NCDN: variants seen among roughly 807,000 people sequenced by gnomAD.
NCDN encodes norbin.
In NCDN, 9 loss-of-function variants were observed where a neutral mutation model predicts 60.7. The observed-to-expected ratio is 0.15, with a 90% CI of 0.09 to 0.26. The LOEUF (loss-of-function observed/expected upper bound fraction) is 0.26. Among genes scored for constraint, NCDN ranks in the 10% least tolerant of loss-of-function variants. The probability of loss-of-function intolerance (pLI) is 1.00; values close to 1 mark genes in which losing one functional copy is unlikely to be tolerated. For synonymous variants in NCDN, 409 were observed against 442.5 expected (o/e 0.92, Z 0.95); for missense variants, 578 against 975.2 (o/e 0.59, Z 5.42).
chr1:35,563,159 T>C lies in NCDN; in HGVS notation c.1386-43T>C, dbSNP rs970858936. The C allele has an allele frequency of 1.9e-6, 3 of 1,549,718 alleles. No homozygotes were observed. The highest frequency in any genetic ancestry group is 2.7e-5 in the African/African-American group (2 of 73,268). On this transcript the variant is annotated intron_variant, in intron 4 of 6. Coordinates refer to ENST00000373243, the MANE Select transcript of NCDN (RefSeq NM_014284.3). The surrounding 1 kb of genome is among the most constrained non-coding windows in gnomAD (Gnocchi z 6.6). ...TAAAAAGGGAATCTATGTGCCTTCATCTCTCCCAATCCCACACACGTCTGT... is the reference window on the plus strand; with the variant it reads ...TAAAAAGGGAATCTATGTGCCTTCACCTCTCCCAATCCCACACACGTCTGT...
Position 35,560,232 on chromosome 1 carries a change from C to A in NCDN, c.175-94C>A. 2 of 1,478,264 alleles carry A rather than the reference C, an allele frequency of 1.4e-6. No individual in the cohort carries two copies. Among genetic ancestry groups the A allele is most frequent in the Non-Finnish European group, 9.1e-7 (1 of 1,094,440 alleles). 91.6% of individuals were successfully genotyped at this position (1,478,264 alleles called of 1,614,324 possible). ...TCAGATGAGTCCTGTTGCATAACCT[C>A]ATCTTGCTAGTCCTCAGTGCCCCAG... On this transcript the variant is annotated intron_variant, in intron 2 of 6. Coordinates refer to ENST00000373243, the MANE Select transcript of NCDN (RefSeq NM_014284.3). The surrounding 1 kb of genome is among the most constrained non-coding windows in gnomAD (Gnocchi z 7.6).
chr1:35,558,147 A>T lies in NCDN; in HGVS notation c.-44A>T. The T allele has an allele frequency of 6.2e-7, 1 of 1,612,022 alleles. No individual in the cohort carries two copies. Among genetic ancestry groups the T allele is most frequent in the Non-Finnish European group, 8.5e-7 (1 of 1,178,926 alleles). On this transcript the variant is annotated 5_prime_UTR_variant, in exon 1 of 7. Coordinates refer to ENST00000373243, the MANE Select transcript of NCDN (RefSeq NM_014284.3). The surrounding 1 kb of genome is among the most constrained non-coding windows in gnomAD (Gnocchi z 6.3). ...GATCTCTCCGTGACATCACCGCGCC[A>T]TCGTGAAGTGTGATCTCATCGCCGC...
chr1:35,559,454 G>C (rs1206780922), intron 2 of NCDN, among the ~76,000 whole-genome samples: 1 of 152,180 alleles, frequency 6.6e-6, no homozygotes, highest in Non-Finnish European at 1.5e-5. Context: ...TAAGGCTGTG[G>C]CACTAGGGGC....
Position 35,560,266 on chromosome 1 carries a change from AGAGGG to A in NCDN, c.175-59_175-55del, listed in dbSNP as rs1648649326. The A allele has an allele frequency of 7.7e-6, 12 of 1,560,970 alleles. No individual in the cohort carries two copies. On this transcript the variant is annotated intron_variant, in intron 2 of 6. Coordinates refer to ENST00000373243, the MANE Select transcript of NCDN (RefSeq NM_014284.3). The surrounding 1 kb of genome is among the most constrained non-coding windows in gnomAD (Gnocchi z 7.6). ...AGTCCTCAGTGCCCCAGGATGCAGGAGAGGGACAGTCTTTCCCACTTCTTCCTTTC... is the reference window on the plus strand; with the variant it reads ...AGTCCTCAGTGCCCCAGGATGCAGGAACAGTCTTTCCCACTTCTTCCTTTC...
chr1:35,558,410 G>C lies in NCDN; in HGVS notation c.33+187G>C. 6.8e-7 allele frequency: 1 copy of C among 1,463,278 alleles called. No individual in the cohort carries two copies. The highest frequency in any genetic ancestry group is 9.0e-7 in the Non-Finnish European group (1 of 1,113,562). The allele number at this position is 1,463,278 out of a possible 1,614,324, so 90.6% of individuals were successfully genotyped here. A position where few individuals can be genotyped will look rare whatever the true frequency, so the allele number is the denominator to read the frequency against. On this transcript the variant is annotated intron_variant, in intron 1 of 6. Coordinates refer to ENST00000373243, the MANE Select transcript of NCDN (RefSeq NM_014284.3). This position sits in a 1 kb window ranked among gnomAD's most constrained non-coding sequence, Gnocchi z 6.3. ...GGAGGGCGAGAAGAGGGAGCGCAAG[G>C]GGTTAATTCTGCTGCTGCCGCCGCC...
rs754125262 is a variant in NCDN, at chr1:35,560,358, T to C, written c.207T>C (p.Asp69=). Residue 69 remains aspartate (D), a synonymous_variant, in exon 3 of 7, where the codon GAT becomes GAC. Transcript: ENST00000373243. The surrounding 1 kb of genome is among the most constrained non-coding windows in gnomAD (Gnocchi z 7.6). ...VTKAVKAGDI[D]AKTRRRIFDA... is the part of the protein sequence containing the mutation. ...AGGCAGTCAAAGCAGGTGACATAGA[T>C]GCCAAAACTCGGCGGCGGATCTTCG... 3.1e-6 allele frequency: 5 copies of C among 1,613,788 alleles called. No homozygotes were observed. In the African/African-American group the frequency reaches 6.7e-5, roughly 22 times the overall value.
Position 35,565,516 on chromosome 1 carries a change from C to T in NCDN, c.2043C>T (p.Pro681=), listed in dbSNP as rs55743884. The T allele has an allele frequency of 0.011, 17,296 of 1,577,788 alleles. 111 individuals are homozygous for T. The highest frequency in any genetic ancestry group is 0.013 in the Non-Finnish European group (15,175 of 1,162,080). Residue 681 remains proline, a synonymous_variant, in exon 7 of 7, where the codon CCC becomes CCT. Transcript: ENST00000373243. This position sits in a 1 kb window ranked among gnomAD's most constrained non-coding sequence, Gnocchi z 8.9. ...GTGTCAGCCCCAACTCTGTCAAGCC[C>T]GAGATGGTGGCCGCCTATCAGGGTG... ...LGSVSPNSVK[P]EMVAAYQGVL...
chr1:35,558,255 T>C lies in NCDN; in HGVS notation c.33+32T>C. 6.2e-7 allele frequency: 1 copy of C among 1,613,808 alleles called. No individual in the cohort carries two copies. Among genetic ancestry groups the C allele is most frequent in the Non-Finnish European group, 8.5e-7 (1 of 1,179,884 alleles). On this transcript the variant is annotated intron_variant, in intron 1 of 6. Transcript: ENST00000373243. The surrounding 1 kb of genome is among the most constrained non-coding windows in gnomAD (Gnocchi z 6.3). ...ACCGCCAGGAACCCTCCTCCCCTTC[T>C]CATCTCCCCATCTCAGCAGCCCTGC...
At position 35,559,169 on chromosome 1, in the gene NCDN, A is replaced by C; in HGVS notation, c.96A>C (p.Arg32=). 1 of 1,613,922 alleles carries C rather than the reference A, an allele frequency of 6.2e-7. No individual in the cohort carries two copies. Among genetic ancestry groups the C allele is most frequent in the Non-Finnish European group, 8.5e-7 (1 of 1,179,968 alleles). Residue 32 remains arginine, a synonymous_variant, in exon 2 of 7, where the codon CGA becomes CGC. Coordinates refer to ENST00000373243, the MANE Select transcript of NCDN (RefSeq NM_014284.3). The part of the protein sequence containing the change: ...CEPALNQAEG[R]NPTLERYLGA... ...CAGCTCTGAACCAGGCAGAGGGCCG[A>C]AACCCCACCCTGGAGCGCTACCTGG...
Position 35,563,778 on chromosome 1 carries a change from G to C in NCDN, c.1622G>C (p.Cys541Ser). Residue 541 changes from cysteine (C) to serine (S), a missense_variant, in exon 6 of 7, where the codon TGC (cysteine) becomes TCC (serine). Physicochemically the swap from Cys to Ser is moderately radical, Grantham distance 112. Transcript: ENST00000373243. This position sits in a 1 kb window ranked among gnomAD's most constrained non-coding sequence, Gnocchi z 6.6. ...TAPGLIKRDA[C>S]FTSLMNTLMT... ...CCTTTCTTTTCCAGGCGTGACGCCT[G>C]CTTCACATCTCTAATGAACACCCTC... 6.2e-7 allele frequency: 1 copy of C among 1,613,712 alleles called. No homozygotes were observed. Among genetic ancestry groups the C allele is most frequent in the Non-Finnish European group, 8.5e-7 (1 of 1,179,956 alleles).
chr1:35,566,711 G>T lies in NCDN; in HGVS notation c.*1048G>T, dbSNP rs1002345511. The T allele has an allele frequency of 4.4e-6, 2 of 451,656 alleles. No homozygotes were observed. Among genetic ancestry groups the T allele is most frequent in the Non-Finnish European group, 9.0e-6 (2 of 222,688 alleles). The allele number at this position is 451,656 out of a possible 1,614,324, so 28.0% of individuals were successfully genotyped here. A position where few individuals can be genotyped will look rare whatever the true frequency, so the allele number is the denominator to read the frequency against. Reference sequence around the variant, plus strand: ...ATCCCTTGCTTCCCTCCCCCAGTGCGTTCTGTGATCGCCAAGTTCAAAGCT... The same window carrying T: ...ATCCCTTGCTTCCCTCCCCCAGTGCTTTCTGTGATCGCCAAGTTCAAAGCT... On this transcript the variant is annotated 3_prime_UTR_variant, in exon 7 of 7. Coordinates refer to ENST00000373243, the MANE Select transcript of NCDN (RefSeq NM_014284.3). This position sits in a 1 kb window ranked among gnomAD's most constrained non-coding sequence, Gnocchi z 5.3.
In NCDN at chr1:35,560,274, A is replaced by G; in HGVS notation, c.175-52A>G. On this transcript the variant is annotated intron_variant, in intron 2 of 6. Coordinates refer to ENST00000373243, the MANE Select transcript of NCDN (RefSeq NM_014284.3). This position sits in a 1 kb window ranked among gnomAD's most constrained non-coding sequence, Gnocchi z 7.6. ...GTGCCCCAGGATGCAGGAGAGGGAC[A>G]GTCTTTCCCACTTCTTCCTTTCATC... is the stretch of plus-strand genomic sequence containing the variant. The G allele has an allele frequency of 1.9e-6, 3 of 1,571,296 alleles. No individual in the cohort carries two copies. Among genetic ancestry groups the G allele is most frequent in the Non-Finnish European group, 1.7e-6 (2 of 1,159,292 alleles).
chr1:35,558,332 C>A lies in NCDN; in HGVS notation c.33+109C>A, dbSNP rs1446517139. On this transcript the variant is annotated intron_variant, in intron 1 of 6. Transcript: ENST00000373243. This position sits in a 1 kb window ranked among gnomAD's most constrained non-coding sequence, Gnocchi z 6.3. ...CGTTGTCCTGGGAACTATCCGGGAC[C>A]CCCTCTTGCTTCTCCAGCCCCTGCC... 1 of 1,563,644 alleles carries A rather than the reference C, an allele frequency of 6.4e-7. No individual in the cohort carries two copies. The highest frequency in any genetic ancestry group is 1.4e-5 in the African/African-American group (1 of 73,946).
Position 35,563,578 on chromosome 1 carries a change from C to A in NCDN, c.1610+152C>A. 1 of 1,054,634 alleles carries A rather than the reference C, an allele frequency of 9.5e-7. No homozygotes were observed. Among genetic ancestry groups the A allele is most frequent in the Non-Finnish European group, 1.4e-6 (1 of 727,214 alleles). 65.3% of individuals were successfully genotyped at this position (1,054,634 alleles called of 1,614,324 possible). ...CTCAGAGTAGACATAGCCAGCCCCG[C>A]ACAAGGATTCGGCATGCTGGAACCC... On this transcript the variant is annotated intron_variant, in intron 5 of 6. Coordinates refer to ENST00000373243, the MANE Select transcript of NCDN (RefSeq NM_014284.3). The surrounding 1 kb of genome is among the most constrained non-coding windows in gnomAD (Gnocchi z 6.6).
Position 35,558,772 on chromosome 1 carries a change from A to G in NCDN, c.34-335A>G. The G allele has an allele frequency of 9.1e-7, 1 of 1,104,848 alleles. No individual in the cohort carries two copies. Among genetic ancestry groups the G allele is most frequent in the Non-Finnish European group, 1.1e-6 (1 of 875,704 alleles). 68.4% of individuals were successfully genotyped at this position (1,104,848 alleles called of 1,614,324 possible). On this transcript the variant is annotated intron_variant, in intron 1 of 6. Coordinates refer to ENST00000373243, the MANE Select transcript of NCDN (RefSeq NM_014284.3). The surrounding 1 kb of genome is among the most constrained non-coding windows in gnomAD (Gnocchi z 6.3). The stretch of plus-strand genomic sequence containing the variant: ...GAGATAAAACCCAGCCTCCGGTGCC[A>G]GGGGGACAGCTGAGCAGTGGGGCCA...
At position 35,566,341 on chromosome 1, in the gene NCDN, C is replaced by T. The variant is rs79080032; in HGVS notation, c.*678C>T. Reference sequence around the variant, plus strand: ...GGCCCAGATCTTTAAACCTTTGTGTCGTGTTGCAGCAGAGTGACGATGGGG... The same window carrying T: ...GGCCCAGATCTTTAAACCTTTGTGTTGTGTTGCAGCAGAGTGACGATGGGG... On this transcript the variant is annotated 3_prime_UTR_variant, in exon 7 of 7. Coordinates refer to ENST00000373243, the MANE Select transcript of NCDN (RefSeq NM_014284.3). This position sits in a 1 kb window ranked among gnomAD's most constrained non-coding sequence, Gnocchi z 5.3. 14,300 of 182,950 alleles carry T rather than the reference C, an allele frequency of 0.078. 1,520 individuals are homozygous for T. The highest frequency in any genetic ancestry group is 0.25 in the East Asian group (1,596 of 6,380). 11.3% of individuals were successfully genotyped at this position (182,950 alleles called of 1,614,324 possible).
rs1378852436 is a variant in NCDN, at chr1:35,565,673, A to G, written c.*10A>G. 4.5e-6 allele frequency: 7 copies of G among 1,539,886 alleles called. No individual in the cohort carries two copies. Among genetic ancestry groups the G allele is most frequent in the Non-Finnish European group, 5.2e-6 (6 of 1,148,898 alleles). ...CCTGTCAGAGCCCTGAGGGGTGTCC[A>G]CCGGGGACAGACCCAGGGGCGGGCA... On this transcript the variant is annotated 3_prime_UTR_variant, in exon 7 of 7. Transcript: ENST00000373243. The surrounding 1 kb of genome is among the most constrained non-coding windows in gnomAD (Gnocchi z 8.9).
rs758521938 is a variant in NCDN, at chr1:35,561,045, G to A, written c.894G>A (p.Pro298=). The A allele has an allele frequency of 7.4e-6, 12 of 1,612,674 alleles. No homozygotes were observed. Among genetic ancestry groups the A allele is most frequent in the Non-Finnish European group, 7.6e-6 (9 of 1,179,228 alleles). Residue 298 remains proline (P), a synonymous_variant, in exon 3 of 7, where the codon CCG becomes CCA. Coordinates refer to ENST00000373243, the MANE Select transcript of NCDN (RefSeq NM_014284.3). This position sits in a 1 kb window ranked among gnomAD's most constrained non-coding sequence, Gnocchi z 4.9. ...ACGCCTGCGGCTCCGACTGGATCCC[G>A]GCGGGCAGCTCCGGGAGCAAGTTCC... is the stretch of plus-strand genomic sequence containing the variant. ...LAHACGSDWI[P]AGSSGSKFLA...
chr1:35,564,817 G>A (rs1039673572), intron 6 of NCDN, among the ~76,000 whole-genome samples: 5 of 152,068 alleles, frequency 3.3e-5, no homozygotes, highest in Admixed American at 6.6e-5. Context: ...CCTCTCTGGC[G>A]CCCTCTTCTG....
Sources: gnomAD v4.1 joint callset for allele counts (sites outside exome capture counted in the v4.1 genomes callset) on GRCh38, gnomAD v4.1.1 for gene constraint, Gnocchi (gnomAD v3.1) non-coding constraint, MANE v1.5 for transcripts, NCBI Gene and HGNC (gene_info 2026-07-23, HGNC 2026-07-21) for gene names.